Variants in FSTL5 observed in about 807,000 individuals in gnomAD.
The protein encoded by FSTL5 is follistatin-related protein 5.
In FSTL5, 62 loss-of-function variants were observed where a neutral mutation model predicts 89.1. The ratio of observed to expected loss-of-function variants is 0.70; its 90% CI spans 0.57 to 0.86. The LOEUF is 0.86. FSTL5 is among the 40% of genes least tolerant of loss of function. The pLI, the probability that FSTL5 is intolerant of heterozygous loss-of-function variation, is 0.00. For missense variants in FSTL5, 1,057 were observed against 1,001.6 expected (o/e 1.06, Z -0.75); for synonymous variants, 383 against 346.2 (o/e 1.11, Z -1.18).
chr4:161,396,121 TA>T (rs11417337), intron 15 of FSTL5, among the ~76,000 whole-genome samples: 14,535 of 144,788 alleles, frequency 0.1, 734 homozygotes, highest in Non-Finnish European at 0.13. Flanking sequence ...TCATTGATCA[TA>T]AAAAAAAAAA....
intron 4 of FSTL5, among the ~76,000 whole-genome samples, chr4:161,894,279 G>GA (rs956761385): frequency 6.6e-6 from 1 of 151,822 alleles, no homozygotes; most frequent in Non-Finnish European, 1.5e-5. Context: ...GTCCTGGCAT[G>GA]AAAAAAATCA....
chr4:161,987,723 C>G (rs965370593), intron 3 of FSTL5, among the ~76,000 whole-genome samples: 1 of 150,918 alleles, frequency 6.6e-6, no homozygotes, highest in Non-Finnish European at 1.5e-5. Flanking sequence ...GAGGAACATT[C>G]TTTACCGAAT....
intron 6 of FSTL5, among the ~76,000 whole-genome samples, chr4:161,728,909 C>T (rs951478260): frequency 2.0e-5 from 3 of 152,142 alleles, no homozygotes; most frequent in East Asian, 1.9e-4. Flanking sequence ...CTGCAGTTAA[C>T]GTTGCCACTG....
intron 6 of FSTL5, among the ~76,000 whole-genome samples, chr4:161,731,959 A>G (rs182299332): frequency 2.6e-5 from 4 of 152,144 alleles, no homozygotes; most frequent in Non-Finnish European, 5.9e-5. Context: ...TGCTATAAAC[A>G]TATGTTTTGT....
chr4:161,912,850 T>C (rs1013459284), intron 4 of FSTL5, among the ~76,000 whole-genome samples: 4 of 152,122 alleles, frequency 2.6e-5, no homozygotes, highest in Non-Finnish European at 5.9e-5. Context: ...GATAATGATA[T>C]GAACAATAAG....
chr4:161,670,339 A>G (rs1737056199), intron 6 of FSTL5, among the ~76,000 whole-genome samples: 1 of 152,178 alleles, frequency 6.6e-6, no homozygotes, highest in African/African-American at 2.4e-5. Context: ...CAGATATAAG[A>G]GAAGAATATT....
At position 161,947,065 on chromosome 4, in the gene FSTL5, T is replaced by G. The variant is rs186347269; in HGVS notation, c.161-26413A>C. ...GTCTTTTTTGTCCAGATGTATTGGG[T>G]CTGATATCATTTTATACTGAATTTT... On this transcript the variant is annotated intron_variant, in intron 3 of 15. Coordinates refer to ENST00000306100, the MANE Select transcript of FSTL5 (RefSeq NM_020116.5). 2.2e-3 allele frequency among the ~76,000 whole-genome samples: 331 copies of G among 152,124 alleles called. 3 individuals are homozygous for G. The highest frequency in any genetic ancestry group is 7.4e-3 in the African/African-American group (306 of 41,522).
At chr4:162,080,975 T>G (rs903573732) in intron 2 of FSTL5, among the ~76,000 whole-genome samples, 2 of 151,692 alleles carry the variant, frequency 1.3e-5, no homozygotes, top group African/African-American at 2.4e-5. Context: ...TCTATGCAAA[T>G]TATTCTCTAA....
chr4:161,891,326 G>A (rs962938915), intron 4 of FSTL5, among the ~76,000 whole-genome samples: 2 of 151,878 alleles, frequency 1.3e-5, no homozygotes, highest in Admixed American at 1.3e-4. Flanking sequence ...CCCACAATAG[G>A]ATCAAAAGAA....
At chr4:161,480,521 A>G (rs919090382) in intron 13 of FSTL5, among the ~76,000 whole-genome samples, 1 of 152,182 alleles carries the variant, frequency 6.6e-6, no homozygotes, top group African/African-American at 2.4e-5. Flanking sequence ...TGTTTATTAG[A>G]GATTGCTTTC....
At chr4:161,899,897 A>G (rs1733295942) in intron 4 of FSTL5, among the ~76,000 whole-genome samples, 1 of 152,164 alleles carries the variant, frequency 6.6e-6, no homozygotes. Flanking sequence ...GAGTGAACTT[A>G]GAAAATCTTA....
intron 12 of FSTL5, among the ~76,000 whole-genome samples, chr4:161,482,071 A>G (rs1370290699): frequency 6.6e-6 from 1 of 152,240 alleles, no homozygotes; most frequent in Non-Finnish European, 1.5e-5. Flanking sequence ...CTGTAATCCC[A>G]GCACTTTGGG....
At chr4:162,155,383 A>C (rs187930001) in intron 1 of FSTL5, among the ~76,000 whole-genome samples, 89 of 152,260 alleles carry the variant, frequency 5.8e-4, no homozygotes, top group African/African-American at 1.7e-3. Context: ...GATCTTGGAG[A>C]ATCTCAAGCC....
chr4:161,549,679 T>C (rs944068495), intron 8 of FSTL5, among the ~76,000 whole-genome samples: 3 of 151,916 alleles, frequency 2.0e-5, no homozygotes, highest in Admixed American at 6.6e-5. Context: ...GCAGGAGATA[T>C]CAAAAGACAG....
At chr4:161,749,561 G>C (rs938834042) in intron 6 of FSTL5, among the ~76,000 whole-genome samples, 2 of 152,110 alleles carry the variant, frequency 1.3e-5, no homozygotes, top group Non-Finnish European at 2.9e-5. Flanking sequence ...ACTTCGGGAG[G>C]CTGAGGCGGG....
chr4:161,661,108 G>C (rs1395318281), intron 6 of FSTL5, among the ~76,000 whole-genome samples: 1 of 151,962 alleles, frequency 6.6e-6, no homozygotes, highest in Non-Finnish European at 1.5e-5. Flanking sequence ...AACACATATA[G>C]AAAAAACGAA....
chr4:162,039,328 C>G (rs1578975058), intron 2 of FSTL5, among the ~76,000 whole-genome samples: 2 of 151,568 alleles, frequency 1.3e-5, no homozygotes, highest in East Asian at 3.9e-4. Context: ...TTCCTGATCC[C>G]CATGTGACTT....
At chr4:161,742,798 T>C (rs1740072174) in intron 6 of FSTL5, among the ~76,000 whole-genome samples, 1 of 152,194 alleles carries the variant, frequency 6.6e-6, no homozygotes, top group African/African-American at 2.4e-5. Context: ...AATGGTGTTT[T>C]TGCAGAAATA....
intron 3 of FSTL5, among the ~76,000 whole-genome samples, chr4:162,009,296 C>T (rs1410587595): frequency 6.6e-6 from 1 of 152,054 alleles, no homozygotes; most frequent in Non-Finnish European, 1.5e-5. Flanking sequence ...TGTAATATCT[C>T]TTCTCAACTT....
Sources: allele counts gnomAD v4.1 joint callset (sites outside exome capture counted in the v4.1 genomes callset), GRCh38; gene constraint gnomAD v4.1.1; transcripts MANE v1.5; gene names NCBI Gene and HGNC (gene_info 2026-07-23, HGNC 2026-07-21).